The following PPP2R2A variants were observed in gnomAD, a reference collection of about 807,000 sequenced individuals.
PPP2R2A encodes serine/threonine-protein phosphatase 2A 55 kDa regulatory subunit B alpha isoform.
In PPP2R2A, 9 loss-of-function variants were observed where a neutral mutation model predicts 53.2. That is an observed-to-expected ratio of 0.17 (90% CI 0.10 to 0.30). PPP2R2A has a LOEUF of 0.30. Ranked by LOEUF, PPP2R2A falls within the 10% of genes least tolerant of loss-of-function variation. PPP2R2A has a pLI of 1.00. For synonymous variants in PPP2R2A, 169 were observed against 174.2 expected (o/e 0.97, Z 0.23); for missense variants, 235 against 534.6 (o/e 0.44, Z 5.53).
At chr8:26,293,955 A>G (rs1339727054) in intron 2 of PPP2R2A, 3 of 537,590 alleles carry the variant, frequency 5.6e-6, no homozygotes, top group African/African-American at 1.9e-5. Context: ...CTCTGAATTT[A>G]CATGGAAGGA....
chr8:26,302,970 T>A (rs1385573832), intron 2 of PPP2R2A, among the ~76,000 whole-genome samples: 1 of 152,150 alleles, frequency 6.6e-6, no homozygotes, highest in Non-Finnish European at 1.5e-5. Context: ...TTCAGAAAAT[T>A]TGAGTTGTTG....
rs1003018560 is a variant in PPP2R2A, at chr8:26,358,064, C to T, written c.347-2105C>T. Among the ~76,000 whole-genome samples the T allele has an allele frequency of 1.0e-4, 15 of 150,536 alleles. No homozygotes were observed. In the Admixed American group the frequency reaches 1.0e-3, roughly 10 times the overall value. ...TATTTATTAACATACTGATTTATTT[C>T]CTGCCTGCCTTGTCCCCACCTTACT... On this transcript the variant is annotated intron_variant, in intron 4 of 9. Transcript: ENST00000380737.
chr8:26,292,049 CGGGGGT>C, intron 1 of PPP2R2A: 1 of 548,590 alleles, frequency 1.8e-6, no homozygotes, highest in Non-Finnish European at 2.0e-6. Flanking sequence ...GGCGCCGTGG[CGGGGGT>C]GGGGGTGGGG....
chr8:26,366,404 C>A lies in PPP2R2A; in HGVS notation c.1062C>A (p.Asp354Glu). The A allele has an allele frequency of 6.3e-7, 1 of 1,578,806 alleles. No homozygotes were observed. Residue 354 changes from aspartate (D) to glutamate (E), a missense_variant and splice_region_variant, in exon 9 of 10, where the codon GAC becomes GAA. Coordinates refer to ENST00000380737, the MANE Select transcript of PPP2R2A (RefSeq NM_002717.4). ...DKFECCWNGS[D>E]SVVMTGSYNN... is the part of the protein sequence containing the mutation. ...TTGAATGTTGTTGGAATGGATCTGA[C>A]AGGTAATTAAGTCAAACCTCTCAAA...
At chr8:26,320,363 G>A (rs1312364871) in intron 2 of PPP2R2A, among the ~76,000 whole-genome samples, 1 of 152,146 alleles carries the variant, frequency 6.6e-6, no homozygotes, top group Non-Finnish European at 1.5e-5. Flanking sequence ...CTTCCCCTCC[G>A]ATATCATTAA....
chr8:26,291,744 A>AT lies in PPP2R2A; in HGVS notation c.-75dup. On this transcript the variant is annotated 5_prime_UTR_variant, in exon 1 of 10. Coordinates refer to ENST00000380737, the MANE Select transcript of PPP2R2A (RefSeq NM_002717.4). The stretch of plus-strand genomic sequence containing the variant: ...CGCCATCCGCCCTCTCTACCCCCCC[A>AT]TCCCCAGGTGAGGGGGGTGAGTTCA... 1 of 1,085,474 alleles carries AT rather than the reference A, an allele frequency of 9.2e-7. No individual in the cohort carries two copies. Among genetic ancestry groups the AT allele is most frequent in the Non-Finnish European group, 1.2e-6 (1 of 854,330 alleles). 67.2% of individuals were successfully genotyped at this position (1,085,474 alleles called of 1,614,324 possible). A position where few individuals can be genotyped will look rare whatever the true frequency, so the allele number is the denominator to read the frequency against.
At chr8:26,367,461 TA>T (rs1805436148) in intron 9 of PPP2R2A, among the ~76,000 whole-genome samples, 2 of 152,356 alleles carry the variant, frequency 1.3e-5, no homozygotes, top group South Asian at 4.1e-4. Context: ...TCCTTAATAT[TA>T]AAAATTTTTT....
intron 1 of PPP2R2A, chr8:26,293,290 T>A (rs1385948499): frequency 2.9e-5 from 45 of 1,527,508 alleles, no homozygotes; most frequent in Non-Finnish European, 2.0e-5. Context: ...CATGGTAGTT[T>A]AACCTTATTA....
chr8:26,303,911 CTCTTGTAGCTTTTAGTT>C, intron 2 of PPP2R2A, among the ~76,000 whole-genome samples: 1 of 152,314 alleles, frequency 6.6e-6, no homozygotes, highest in East Asian at 1.9e-4. Context: ...GGGAGTTACG[CTCTTGTAGCTTTTAGTT>C]TCTATTGGTT....
At chr8:26,316,847 T>C (rs892619607) in intron 2 of PPP2R2A, among the ~76,000 whole-genome samples, 15 of 152,188 alleles carry the variant, frequency 9.9e-5, no homozygotes, top group Admixed American at 9.2e-4. Context: ...GCCAAAGACC[T>C]CCCTTCCAAA....
At chr8:26,322,238 A>G (rs1288790171) in intron 2 of PPP2R2A, among the ~76,000 whole-genome samples, 1 of 152,218 alleles carries the variant, frequency 6.6e-6, no homozygotes, top group Non-Finnish European at 1.5e-5. Context: ...GCAGGGTTTT[A>G]GAAATATTCC....
At chr8:26,369,978 G>A (rs1805589999) in intron 9 of PPP2R2A, among the ~76,000 whole-genome samples, 156 bp from the exon 10 acceptor site, 1 of 152,060 alleles carries the variant, frequency 6.6e-6, no homozygotes, top group African/African-American at 2.4e-5. Flanking sequence ...CGTATTTCTG[G>A]TTTATTCTAG....
rs1801298010 is a variant in PPP2R2A, at chr8:26,291,644, C to T, written c.-176C>T. ...AAGCCCCAGAGTGAAATCTAGCATC[C>T]TGCCGGCTGGTCTGCCCGCCCCTCC... On this transcript the variant is annotated 5_prime_UTR_variant, in exon 1 of 10. Coordinates refer to ENST00000380737, the MANE Select transcript of PPP2R2A (RefSeq NM_002717.4). 6.1e-6 allele frequency: 4 copies of T among 651,248 alleles called. No homozygotes were observed. The highest frequency in any genetic ancestry group is 1.0e-5 in the Non-Finnish European group (4 of 381,498). 40.3% of individuals were successfully genotyped at this position (651,248 alleles called of 1,614,324 possible).
intron 2 of PPP2R2A, among the ~76,000 whole-genome samples, chr8:26,302,546 G>C (rs1801836389): frequency 6.6e-6 from 1 of 152,212 alleles, no homozygotes; most frequent in South Asian, 2.1e-4. Flanking sequence ...GATATGTTTT[G>C]AGATTCCACA....
At chr8:26,310,566 A>G (rs193102320) in intron 2 of PPP2R2A, among the ~76,000 whole-genome samples, 3 of 151,758 alleles carry the variant, frequency 2.0e-5, no homozygotes, top group East Asian at 1.9e-4. Flanking sequence ...AATGTTTGCT[A>G]TTGTAAAGAT....
chr8:26,352,188 G>GT (rs1468505592), intron 3 of PPP2R2A, among the ~76,000 whole-genome samples: 1 of 152,182 alleles, frequency 6.6e-6, no homozygotes, highest in African/African-American at 2.4e-5. Flanking sequence ...TGTAGGAGAG[G>GT]TTTTTAAAAC....
chr8:26,365,769 TC>T (rs1176777939), intron 8 of PPP2R2A: 1 of 152,202 alleles, frequency 6.6e-6, no homozygotes, highest in Admixed American at 6.5e-5. Flanking sequence ...TATGATACTA[TC>T]AAATTTTTAA....
At chr8:26,306,560 C>T (rs1173501855) in intron 2 of PPP2R2A, among the ~76,000 whole-genome samples, 1 of 151,438 alleles carries the variant, frequency 6.6e-6, no homozygotes, top group Non-Finnish European at 1.5e-5. Context: ...ACTTCTGAGT[C>T]ATACACAGAC....
At chr8:26,335,553 A>G (rs1053178255) in intron 2 of PPP2R2A, among the ~76,000 whole-genome samples, 7 of 152,194 alleles carry the variant, frequency 4.6e-5, no homozygotes, top group South Asian at 2.1e-4. Context: ...ACTCTACACT[A>G]TTCAGATAAA....
Sources: allele counts gnomAD v4.1 joint callset (sites outside exome capture counted in the v4.1 genomes callset), GRCh38; gene constraint gnomAD v4.1.1; transcripts MANE v1.5; gene names NCBI Gene and HGNC (gene_info 2026-07-23, HGNC 2026-07-21).